The following KLHL1 variants were observed in gnomAD, a reference collection of about 807,000 sequenced individuals.
The protein encoded by KLHL1 is kelch like family member 1.
KLHL1 carries 47 observed loss-of-function variants against 77.7 expected under a neutral mutation model. The observed-to-expected ratio is 0.60, with a 90% CI of 0.48 to 0.77. The LOEUF (loss-of-function observed/expected upper bound fraction) is 0.77, where lower values mean the gene tolerates loss of function less well. Ranked by LOEUF, KLHL1 falls within the 30% of genes least tolerant of loss-of-function variation. The pLI, the probability that KLHL1 is intolerant of heterozygous loss-of-function variation, is 0.00. For missense variants in KLHL1, 925 were observed against 910.8 expected (o/e 1.02, Z -0.20); for synonymous variants, 360 against 325.2 (o/e 1.11, Z -1.15).
At position 69,763,310 on chromosome 13, in the gene KLHL1, G is replaced by A. The variant is rs145501825; in HGVS notation, c.1640-22754C>T. Among the ~76,000 whole-genome samples, 3 of 152,208 alleles carry A rather than the reference G, an allele frequency of 2.0e-5. No homozygotes were observed. The East Asian group carries it at 5.8e-4, about 29-fold the overall frequency. The stretch of plus-strand genomic sequence containing the variant: ...GTATTATAGAGACTCAGTTGCAGGA[G>A]GTTAATAAACTAGCTCCTAGATCTG... On this transcript the variant is annotated intron_variant, in intron 7 of 10. Coordinates refer to ENST00000377844, the MANE Select transcript of KLHL1 (RefSeq NM_020866.3).
At chr13:69,732,752 C>T (rs956697886) in intron 8 of KLHL1, among the ~76,000 whole-genome samples, 2 of 151,774 alleles carry the variant, frequency 1.3e-5, no homozygotes, top group Non-Finnish European at 2.9e-5. Context: ...ACCTAGTTTG[C>T]GGTTTTTCTA....
chr13:69,966,268 A>G (rs1292364583), intron 2 of KLHL1, among the ~76,000 whole-genome samples: 1 of 152,170 alleles, frequency 6.6e-6, no homozygotes, highest in African/African-American at 2.4e-5. Context: ...CTAATGCACC[A>G]GTGAGTTTAA....
intron 6 of KLHL1, among the ~76,000 whole-genome samples, chr13:69,827,456 G>A (rs1428629786): frequency 6.6e-6 from 1 of 152,004 alleles, no homozygotes; most frequent in Non-Finnish European, 1.5e-5. Context: ...GAGTGTCAGG[G>A]CATGGTGGCT....
At position 69,703,970 on chromosome 13, in the gene KLHL1, C is replaced by T. The variant is rs139177120; in HGVS notation, c.2188-2209G>A. The stretch of plus-strand genomic sequence containing the variant: ...TAAGGAACGCATGACTGTATATGTT[C>T]ACAAGCCCTATCACTAAATGGAAAT... On this transcript the variant is annotated intron_variant, in intron 10 of 10. Coordinates refer to ENST00000377844, the MANE Select transcript of KLHL1 (RefSeq NM_020866.3). Among the ~76,000 whole-genome samples, 641 of 151,604 alleles carry T rather than the reference C, an allele frequency of 4.2e-3. 8 individuals are homozygous for T. Among genetic ancestry groups the T allele is most frequent in the African/African-American group, 0.015 (611 of 41,466 alleles).
rs1404502646 is a variant in KLHL1, at chr13:69,707,750, TACTC to T, written c.2058_2061del (p.Ser687CysfsTer46). 11 of 1,612,734 alleles carry T rather than the reference TACTC, an allele frequency of 6.8e-6. No homozygotes were observed. The highest frequency in any genetic ancestry group is 9.3e-6 in the Non-Finnish European group (11 of 1,179,222). On this transcript the variant is annotated frameshift_variant, in exon 10 of 11. Transcript: ENST00000377844. LOFTEE classifies it high-confidence loss of function. ...CAGACCCCAACAGCATCTCTGGGCA[TACTC>T]AAAGGAGCCACCATGGTCCAAGTGT...
chr13:69,770,226 G>C (rs1875499354), intron 7 of KLHL1, among the ~76,000 whole-genome samples: 1 of 152,190 alleles, frequency 6.6e-6, no homozygotes, highest in South Asian at 2.1e-4. Flanking sequence ...TGGCATGCCT[G>C]GTCCAGATGT....
intron 2 of KLHL1, among the ~76,000 whole-genome samples, chr13:69,963,155 G>T (rs1004224697): frequency 2.0e-5 from 3 of 152,008 alleles, no homozygotes; most frequent in South Asian, 2.1e-4. Context: ...TTGAACCCCA[G>T]GGCTCAAAGT....
intron 2 of KLHL1, among the ~76,000 whole-genome samples, chr13:69,969,162 T>C (rs1364860285): frequency 6.6e-6 from 1 of 152,162 alleles, no homozygotes; most frequent in Non-Finnish European, 1.5e-5. Flanking sequence ...ACAAAATACA[T>C]TCTTTTAACT....
chr13:69,849,488 TTC>T (rs148126504), intron 5 of KLHL1, among the ~76,000 whole-genome samples: 4 of 150,972 alleles, frequency 2.6e-5, no homozygotes, highest in Admixed American at 6.7e-5. Flanking sequence ...TATGCTCTCT[TTC>T]TCTCTCTCTC....
intron 6 of KLHL1, among the ~76,000 whole-genome samples, chr13:69,824,323 T>C (rs918412862): frequency 2.0e-5 from 3 of 152,038 alleles, no homozygotes; most frequent in African/African-American, 7.2e-5. Flanking sequence ...AAAATAACAC[T>C]ATGTTGTAAT....
At chr13:69,988,730 T>C (rs993345250) in intron 1 of KLHL1, among the ~76,000 whole-genome samples, 10 of 152,184 alleles carry the variant, frequency 6.6e-5, no homozygotes, top group African/African-American at 2.4e-4. Flanking sequence ...GAACATTTTT[T>C]CATAAGTATA....
intron 1 of KLHL1, among the ~76,000 whole-genome samples, chr13:70,095,293 T>C (rs1354689794): frequency 1.3e-5 from 2 of 152,120 alleles, no homozygotes; most frequent in Non-Finnish European, 2.9e-5. Context: ...GGAAATATAA[T>C]GATATGCAAG....
intron 3 of KLHL1, among the ~76,000 whole-genome samples, chr13:69,944,515 G>A (rs529219750): frequency 2.0e-5 from 3 of 152,224 alleles, no homozygotes; most frequent in East Asian, 3.9e-4. Flanking sequence ...ATCACTGAAC[G>A]GGGCGTTAGT....
intron 6 of KLHL1, among the ~76,000 whole-genome samples, chr13:69,808,191 G>A (rs1453535932): frequency 6.6e-6 from 1 of 152,038 alleles, no homozygotes; most frequent in African/African-American, 2.4e-5. Context: ...TTCCCACTGG[G>A]CCCAGGAAGT....
chr13:69,997,782 TATA>T (rs1398557959), intron 1 of KLHL1, among the ~76,000 whole-genome samples: 1 of 148,180 alleles, frequency 6.7e-6, no homozygotes, highest in Non-Finnish European at 1.5e-5. Flanking sequence ...TAATATAATA[TATA>T]ATATGTATTT....
intron 1 of KLHL1, among the ~76,000 whole-genome samples, chr13:70,069,645 A>G (rs1466203569): frequency 6.6e-6 from 1 of 152,190 alleles, no homozygotes; most frequent in Non-Finnish European, 1.5e-5. Context: ...AAAGAATGAA[A>G]GAAATGCTAG....
chr13:69,902,837 A>G (rs1207276507), intron 4 of KLHL1, among the ~76,000 whole-genome samples: 1 of 152,130 alleles, frequency 6.6e-6, no homozygotes, highest in East Asian at 1.9e-4. Flanking sequence ...GCACACCAAC[A>G]TAGCACATGT....
intron 1 of KLHL1, among the ~76,000 whole-genome samples, chr13:70,004,013 A>G (rs1450198831): frequency 6.6e-6 from 1 of 151,842 alleles, no homozygotes; most frequent in Non-Finnish European, 1.5e-5. Context: ...TAGTTGTTAA[A>G]TCATACACAA....
At chr13:69,882,598 A>ATGTCTATCGCACACTGTT in intron 4 of KLHL1, 103 bp from the exon 5 acceptor site, 1 of 734,376 alleles carries the variant, frequency 1.4e-6, no homozygotes, top group Non-Finnish European at 2.3e-6. Flanking sequence ...TGTTCTTATT[A>ATGTCTATCGCACACTGTT]TAACATAATC....
Sources: gnomAD v4.1 joint callset for allele counts (sites outside exome capture counted in the v4.1 genomes callset) on GRCh38, gnomAD v4.1.1 for gene constraint, MANE v1.5 for transcripts, NCBI Gene and HGNC (gene_info 2026-07-23, HGNC 2026-07-21) for gene names.